Variants in PLXNA4 observed in about 807,000 individuals in gnomAD.
The protein encoded by PLXNA4 is plexin A4, also known as plexin-A4.
In PLXNA4, 44 loss-of-function variants were observed where a neutral mutation model predicts 191.8. The observed-to-expected ratio is 0.23, with a 90% CI of 0.18 to 0.29. PLXNA4 has a LOEUF of 0.29. Ranked by LOEUF, PLXNA4 falls within the 10% of genes least tolerant of loss-of-function variation. The pLI, the probability that PLXNA4 is intolerant of heterozygous loss-of-function variation, is 1.00. For synonymous variants in PLXNA4, 1,082 were observed against 1,009.5 expected, an observed-to-expected ratio of 1.07 and a Z score of -1.36; for missense variants, 1,800 against 2,488.8, an observed-to-expected ratio of 0.72 and a Z score of 5.89.
At chr7:132,607,629 G>C (rs1396103620) in intron 2 of PLXNA4, among the ~76,000 whole-genome samples, 2 of 152,220 alleles carry the variant, frequency 1.3e-5, no homozygotes, top group Non-Finnish European at 2.9e-5. Context: ...TGTTCTCTGA[G>C]CCTGTGCCTT....
At chr7:132,609,299 G>C (rs751213171) in intron 2 of PLXNA4, among the ~76,000 whole-genome samples, 2 of 152,062 alleles carry the variant, frequency 1.3e-5, no homozygotes, top group African/African-American at 4.8e-5. Flanking sequence ...AGTGGTCAGC[G>C]ACAAACTGTT....
chr7:132,126,907 A>C lies in PLXNA4; in HGVS notation c.*3572T>G, dbSNP rs1326798297. ...AAGGCAAGAAAATATTTTCCTGAGG[A>C]AGTAACTGGCATGATGGCCACCTTC... On this transcript the variant is annotated 3_prime_UTR_variant, in exon 32 of 32. Coordinates refer to ENST00000321063, the MANE Select transcript of PLXNA4 (RefSeq NM_020911.2). 1 of 152,186 alleles carries C rather than the reference A, an allele frequency of 6.6e-6. No individual in the cohort carries two copies. Among genetic ancestry groups the C allele is most frequent in the Non-Finnish European group, 1.5e-5 (1 of 68,044 alleles). 9.4% of individuals were successfully genotyped at this position (152,186 alleles called of 1,614,324 possible).
chr7:132,621,674 A>G (rs1200944279), intron 2 of PLXNA4, among the ~76,000 whole-genome samples: 1 of 152,214 alleles, frequency 6.6e-6, no homozygotes, highest in Non-Finnish European at 1.5e-5. Flanking sequence ...GGGTCAAAGG[A>G]CATGAACACT....
chr7:132,271,914 A>G (rs1198526561), intron 4 of PLXNA4, among the ~76,000 whole-genome samples: 1 of 152,232 alleles, frequency 6.6e-6, no homozygotes, highest in African/African-American at 2.4e-5. Flanking sequence ...AAAGAGAAAA[A>G]TAAAACTTGA....
intron 2 of PLXNA4, among the ~76,000 whole-genome samples, chr7:132,622,453 T>C (rs1261748817): frequency 6.6e-6 from 1 of 151,416 alleles, no homozygotes; most frequent in Non-Finnish European, 1.5e-5. Flanking sequence ...ATTGGGAAAA[T>C]AATCAGGGAG....
At position 132,589,628 on chromosome 7, in the gene PLXNA4, C is replaced by G. The variant is rs143045140; in HGVS notation, c.-87+56300G>C. Among the ~76,000 whole-genome samples the G allele has an allele frequency of 2.0e-5, 3 of 152,252 alleles. No homozygotes were observed. The East Asian group carries it at 5.8e-4, about 29-fold the overall frequency. On this transcript the variant is annotated intron_variant, in intron 2 of 4. Transcript: ENST00000378539. ...CTTTTATTCATTTTTTATAAAAATA[C>G]ACTGTGAGCTCCTAGTTTATACCAA...
intron 25 of PLXNA4, among the ~76,000 whole-genome samples, 167 bp from the exon 26 acceptor site, chr7:132,148,813 G>A (rs571466175): frequency 1.3e-5 from 2 of 152,310 alleles, no homozygotes; most frequent in Admixed American, 6.5e-5. Context: ...AACGCAGAGA[G>A]GCCCTGAGTT....
chr7:132,152,378 T>C (rs371290603), intron 25 of PLXNA4, among the ~76,000 whole-genome samples: 3 of 152,192 alleles, frequency 2.0e-5, no homozygotes, highest in African/African-American at 7.2e-5. Flanking sequence ...CCCCTCACGG[T>C]GTGCACGACT....
rs1796926925 is a variant in PLXNA4 at position 132,187,736 on chromosome 7, G to A, written c.2857-129C>T. ...TCTTTGGTAACAGTGGTCTCCCAGA[G>A]AACCAGGGCAGTTCTCTTAGGCTTG... On this transcript the variant is annotated intron_variant, in intron 14 of 31. Transcript: ENST00000321063. The A allele has an allele frequency of 6.9e-6, 10 of 1,445,528 alleles. 1 individual carries two copies. The highest frequency in any genetic ancestry group is 2.6e-4 in the Middle Eastern group (1 of 3,884). The allele number at this position is 1,445,528 out of a possible 1,614,324, so 89.5% of individuals were successfully genotyped here.
At chr7:132,426,526 G>A (rs1171118580) in intron 3 of PLXNA4, among the ~76,000 whole-genome samples, 1 of 152,172 alleles carries the variant, frequency 6.6e-6, no homozygotes, top group Non-Finnish European at 1.5e-5. Context: ...TTCTATACAT[G>A]GAAACTTAGA....
In PLXNA4 at chr7:132,624,674, C is replaced by T. The variant is rs1330384997; in HGVS notation, c.-87+21254G>A. On this transcript the variant is annotated intron_variant, in intron 2 of 4. Coordinates refer to the PLXNA4 transcript ENST00000378539. ...CCTGGGTCCTGGTATAAGTCATGAA[C>T]TTGGTCCATATAACTCACAGATTGC... 2.0e-5 allele frequency among the ~76,000 whole-genome samples: 3 copies of T among 152,180 alleles called. No homozygotes were observed. In the South Asian group the frequency reaches 6.2e-4, roughly 32 times the overall value.
At chr7:132,484,668 C>T (rs1585204295) in intron 3 of PLXNA4, 11 of 1,345,976 alleles carry the variant, frequency 8.2e-6, no homozygotes, top group African/African-American at 4.4e-5. Flanking sequence ...TACATATGCC[C>T]TCTGCCCTAA....
intron 1 of PLXNA4, among the ~76,000 whole-genome samples, chr7:132,522,526 T>C (rs1285768903): frequency 3.3e-5 from 5 of 152,194 alleles, no homozygotes; most frequent in Admixed American, 6.5e-5. Flanking sequence ...CCCAGCACTT[T>C]AGGATGCCAA....
intron 2 of PLXNA4, among the ~76,000 whole-genome samples, chr7:132,493,678 G>A (rs1218058162): frequency 6.6e-6 from 1 of 152,098 alleles, no homozygotes; most frequent in South Asian, 2.1e-4. Flanking sequence ...TAATACAATG[G>A]ATGGATAGAT....
chr7:132,555,374 A>G (rs530726878), intron 1 of PLXNA4, among the ~76,000 whole-genome samples: 20 of 152,174 alleles, frequency 1.3e-4, no homozygotes, highest in Non-Finnish European at 1.8e-4. Flanking sequence ...AAGGCAGTAG[A>G]CTTGTTGAAG....
intron 4 of PLXNA4, among the ~76,000 whole-genome samples, chr7:132,287,865 G>A (rs1253494011): frequency 6.6e-6 from 1 of 152,184 alleles, no homozygotes; most frequent in African/African-American, 2.4e-5. Flanking sequence ...CAAAGGAGAA[G>A]TAAACCAAGG....
chr7:132,617,570 T>C (rs112270271), intron 2 of PLXNA4, among the ~76,000 whole-genome samples: 85 of 152,320 alleles, frequency 5.6e-4, no homozygotes, highest in Middle Eastern at 3.4e-3. Flanking sequence ...AAGGCAGTAA[T>C]TACTGTCTCT....
chr7:132,165,428 G>A (rs532218015), intron 22 of PLXNA4, among the ~76,000 whole-genome samples: 285 of 152,284 alleles, frequency 1.9e-3, no homozygotes, highest in Non-Finnish European at 3.4e-3. Flanking sequence ...TGACATTTTG[G>A]GCAGCAGGCT....
At chr7:132,582,761 G>A (rs1267953528) in intron 2 of PLXNA4, among the ~76,000 whole-genome samples, 1 of 152,196 alleles carries the variant, frequency 6.6e-6, no homozygotes, top group East Asian at 1.9e-4. Flanking sequence ...TTATGCAGTA[G>A]CAGATAATAA....
Sources: gnomAD v4.1 joint callset for allele counts (sites outside exome capture counted in the v4.1 genomes callset) on GRCh38, gnomAD v4.1.1 for gene constraint, MANE v1.5 for transcripts, NCBI Gene and HGNC (gene_info 2026-07-23, HGNC 2026-07-21) for gene names.